DNAH12: variants seen among roughly 807,000 people sequenced by gnomAD.
DNAH12 encodes the protein dynein axonemal heavy chain 12, also known as axonemal beta dynein heavy chain 12.
In DNAH12, 285 loss-of-function variants were observed where a neutral mutation model predicts 371.5. That is an observed-to-expected ratio of 0.77 (90% confidence interval 0.70 to 0.85). The LOEUF (loss-of-function observed/expected upper bound fraction) is 0.85, where lower values mean the gene tolerates loss of function less well. DNAH12 is among the 40% of genes least tolerant of loss of function. The probability of loss-of-function intolerance (pLI) is 0.00; values close to 1 mark genes in which losing one functional copy is unlikely to be tolerated. For missense variants in DNAH12, 3,611 were observed against 3,689.4 expected, an observed-to-expected ratio of 0.98 and a Z score of 0.55; for synonymous variants, 1,200 against 1,213.0, an observed-to-expected ratio of 0.99 and a Z score of 0.22.
In DNAH12 at chr3:57,472,723, A is replaced by G. The variant is rs1263133830; in HGVS notation, c.1651-52T>C. On this transcript the variant is annotated intron_variant, in intron 13 of 73. Coordinates refer to ENST00000495027, the MANE Select transcript of DNAH12 (RefSeq NM_001366028.2). Reference sequence around the variant, plus strand: ...TGTCATATAGAAAATCTACATCATTATGAAAAAGAGAAGAACCAACAACAA... The same window carrying G: ...TGTCATATAGAAAATCTACATCATTGTGAAAAAGAGAAGAACCAACAACAA... The G allele has an allele frequency of 9.9e-6, 15 of 1,509,952 alleles. No homozygotes were observed. The Admixed American group carries it at 3.3e-4, about 34-fold the overall frequency. 93.5% of individuals were successfully genotyped at this position (1,509,952 alleles called of 1,614,324 possible). A position where few individuals can be genotyped will look rare whatever the true frequency, so the allele number is the denominator to read the frequency against.
intron 62 of DNAH12, among the ~76,000 whole-genome samples, chr3:57,333,411 A>T (rs1427965780): frequency 6.8e-6 from 1 of 147,646 alleles, no homozygotes; most frequent in African/African-American, 2.6e-5. Flanking sequence ...GCTCATTGCA[A>T]CCTCCGCCTC....
chr3:57,343,712 C>A (rs2062463382), intron 60 of DNAH12, among the ~76,000 whole-genome samples: 1 of 152,138 alleles, frequency 6.6e-6, no homozygotes, highest in African/African-American at 2.4e-5. Context: ...CTGTCTCCTG[C>A]CTGCCCCTGG....
chr3:57,311,006 C>T, intron 66 of DNAH12, 56 bp from the exon 67 acceptor site: 1 of 1,216,442 alleles, frequency 8.2e-7, no homozygotes, highest in South Asian at 1.4e-5. Context: ...ACTTCATTTC[C>T]ATTTTAAGTA....
intron 58 of DNAH12, among the ~76,000 whole-genome samples, chr3:57,359,909 A>T (rs1047080249): frequency 1.3e-5 from 2 of 152,188 alleles, no homozygotes; most frequent in African/African-American, 4.8e-5. Context: ...TCAGGGTCAG[A>T]TACAGAGTAT....
chr3:57,383,580 T>C (rs2063439814), intron 49 of DNAH12, among the ~76,000 whole-genome samples: 1 of 146,730 alleles, frequency 6.8e-6, no homozygotes. Flanking sequence ...AATAAGTGAC[T>C]CTTAAATGTG....
chr3:57,303,403 CTTTTCT>C (rs1193214393), intron 69 of DNAH12, among the ~76,000 whole-genome samples: 67 of 137,330 alleles, frequency 4.9e-4, no homozygotes, highest in African/African-American at 1.4e-3. Flanking sequence ...CTTTTTCTTT[CTTTTCT>C]TTTTCTTTTT....
At chr3:57,457,130 A>G (rs945493351) in intron 22 of DNAH12, among the ~76,000 whole-genome samples, 5 of 152,198 alleles carry the variant, frequency 3.3e-5, no homozygotes, top group Non-Finnish European at 7.3e-5. Flanking sequence ...CCACTAATCT[A>G]TTATTTATAC....
chr3:57,438,075 A>G (rs1332629619), intron 29 of DNAH12, among the ~76,000 whole-genome samples: 1 of 152,074 alleles, frequency 6.6e-6, no homozygotes. Flanking sequence ...TTGGGAGGCC[A>G]AGGCGGGTGG....
chr3:57,411,514 G>A lies in DNAH12; in HGVS notation c.6020+2232C>T, dbSNP rs528094292. 2.6e-4 allele frequency among the ~76,000 whole-genome samples: 28 copies of A among 105,764 alleles called. No homozygotes were observed. The East Asian group carries it at 3.6e-3, about 13-fold the overall frequency. 69.4% of individuals were successfully genotyped at this position (105,764 alleles called of 152,430 possible). A position where few individuals can be genotyped will look rare whatever the true frequency, so the allele number is the denominator to read the frequency against. On this transcript the variant is annotated intron_variant, in intron 39 of 73. Transcript: ENST00000495027. Reference sequence around the variant, plus strand: ...TGCACTCCAGCCTGGGTGACAGAGTGAGACACTGTCTCAAAAAAAAAAAAA... The same window carrying A: ...TGCACTCCAGCCTGGGTGACAGAGTAAGACACTGTCTCAAAAAAAAAAAAA...
intron 60 of DNAH12, 115 bp from the exon 61 acceptor site, chr3:57,335,055 G>T: frequency 9.2e-7 from 1 of 1,092,266 alleles, no homozygotes; most frequent in Non-Finnish European, 1.3e-6. Context: ...CCCACCTGCT[G>T]TAAACAACTA....
intron 57 of DNAH12, among the ~76,000 whole-genome samples, chr3:57,364,379 C>A (rs966980839): frequency 6.6e-6 from 1 of 152,054 alleles, no homozygotes; most frequent in Non-Finnish European, 1.5e-5. Flanking sequence ...ACTTTTAATT[C>A]GATTTCATTT....
At chr3:57,302,280 T>C (rs895794734) in intron 69 of DNAH12, among the ~76,000 whole-genome samples, 1 of 151,864 alleles carries the variant, frequency 6.6e-6, no homozygotes, top group Non-Finnish European at 1.5e-5. Flanking sequence ...CAGGCAAATA[T>C]GAAAAAGCTG....
At chr3:57,436,349 G>C (rs2065124913) in intron 30 of DNAH12, among the ~76,000 whole-genome samples, 1 of 152,144 alleles carries the variant, frequency 6.6e-6, no homozygotes, top group Non-Finnish European at 1.5e-5. Flanking sequence ...GAGAGGTCCT[G>C]AAGTTTAAAC....
At chr3:57,363,429 CTCTTA>C (rs1323078357) in intron 58 of DNAH12, among the ~76,000 whole-genome samples, 160 bp downstream of exon 58, 1 of 152,056 alleles carries the variant, frequency 6.6e-6, no homozygotes, top group Non-Finnish European at 1.5e-5. Context: ...GTAAGATATT[CTCTTA>C]TGAGTTTAAA....
intron 62 of DNAH12, among the ~76,000 whole-genome samples, chr3:57,326,247 C>T (rs1219047554): frequency 1.3e-5 from 2 of 151,626 alleles, no homozygotes; most frequent in Non-Finnish European, 1.5e-5. Context: ...AACTCCAAGA[C>T]ACATAATTGT....
chr3:57,361,444 C>CACACTATATATACA (rs1409626573), intron 58 of DNAH12, among the ~76,000 whole-genome samples: 3 of 116,722 alleles, frequency 2.6e-5, no homozygotes, highest in African/African-American at 1.3e-4. Flanking sequence ...CACACACACA[C>CACACTATATATACA]TATATATATA....
In DNAH12 at chr3:57,352,656, TA is replaced by T. The variant is rs1400315377; in HGVS notation, c.9534-432del. Among the ~76,000 whole-genome samples, 126 of 146,732 alleles carry T rather than the reference TA, an allele frequency of 8.6e-4. No individual in the cohort carries two copies. In the East Asian group the frequency reaches 9.1e-3, roughly 11 times the overall value. ...AAGTGACTGAAGACAATCAGTTAAT[TA>T]AAAAAAAAAATGCCTATTAAATCTC... On this transcript the variant is annotated intron_variant, in intron 59 of 73. Coordinates refer to ENST00000495027, the MANE Select transcript of DNAH12 (RefSeq NM_001366028.2).
At chr3:57,332,379 G>A (rs1033634945) in intron 62 of DNAH12, among the ~76,000 whole-genome samples, 1 of 152,138 alleles carries the variant, frequency 6.6e-6, no homozygotes, top group Non-Finnish European at 1.5e-5. Flanking sequence ...TGTGGTTATA[G>A]GGATTGGATT....
At chr3:57,394,943 G>A (rs1157036366) in intron 43 of DNAH12, among the ~76,000 whole-genome samples, 1 of 152,078 alleles carries the variant, frequency 6.6e-6, no homozygotes, top group African/African-American at 2.4e-5. Flanking sequence ...GTATAGGCTT[G>A]TTAGAACCGA....
Sources: gnomAD v4.1 joint callset for allele counts (sites outside exome capture counted in the v4.1 genomes callset) on GRCh38, gnomAD v4.1.1 for gene constraint, MANE v1.5 for transcripts, NCBI Gene and HGNC (gene_info 2026-07-23, HGNC 2026-07-21) for gene names.